The following GFPT2 variants were observed in gnomAD, a reference collection of about 807,000 sequenced individuals.
The protein encoded by GFPT2 is glutamine--fructose-6-phosphate transaminase 2.
A neutral mutation model predicts 85.6 loss-of-function variants in GFPT2; 62 were observed. The ratio of observed to expected loss-of-function variants is 0.72; its 90% CI spans 0.59 to 0.90. The LOEUF is 0.90. GFPT2 is among the 40% of genes least tolerant of loss of function. The pLI is 0.00. For missense variants in GFPT2, 788 were observed against 893.4 expected, an observed-to-expected ratio of 0.88 and a Z score of 1.50; for synonymous variants, 368 against 344.5, an observed-to-expected ratio of 1.07 and a Z score of -0.75.
At position 180,318,136 on chromosome 5, in the gene GFPT2, C is replaced by T. The variant is rs1286638874; in HGVS notation, c.958+657G>A. 6.6e-6 allele frequency among the ~76,000 whole-genome samples: 1 copy of T among 152,102 alleles called. No individual in the cohort carries two copies. The highest frequency in any genetic ancestry group is 1.5e-5 in the Non-Finnish European group (1 of 68,024). The stretch of plus-strand genomic sequence containing the variant: ...GGAGCTGGAGGCAATGAAAAGGAAC[C>T]AGTCCTATGAGAAGAACAGCGAATG... On this transcript the variant is annotated intron_variant, in intron 10 of 18. Transcript: ENST00000253778. The surrounding 1 kb of genome is among the most constrained non-coding windows in gnomAD (Gnocchi z 4.2).
chr5:180,313,942 C>T lies in GFPT2; in HGVS notation c.1296G>A (p.Leu432=). The T allele has an allele frequency of 6.2e-7, 1 of 1,602,098 alleles. No homozygotes were observed. The highest frequency in any genetic ancestry group is 8.5e-7 in the Non-Finnish European group (1 of 1,178,886). The part of the protein sequence containing the change: ...SQSGETADTL[L]ALRYCKDRGA... ...CGCGGTCCTTACAGTAGCGCAGCGCCAGGAGGGTGTCCGCGGTCTCGCCTG... is the reference window on the plus strand; with the variant it reads ...CGCGGTCCTTACAGTAGCGCAGCGCTAGGAGGGTGTCCGCGGTCTCGCCTG... Residue 432 remains leucine (L), a synonymous_variant, in exon 14 of 19, where the codon CTG becomes CTA. Transcript: ENST00000253778.
At chr5:180,327,131 G>A (rs532990910) in intron 7 of GFPT2, among the ~76,000 whole-genome samples, 5 of 152,230 alleles carry the variant, frequency 3.3e-5, no homozygotes, top group African/African-American at 7.2e-5. Flanking sequence ...CACCCTCTCC[G>A]GCCGTCTCCC....
rs1171817626 is a variant in GFPT2, at chr5:180,318,063, G to A, written c.958+730C>T. On this transcript the variant is annotated intron_variant, in intron 10 of 18. Coordinates refer to ENST00000253778, the MANE Select transcript of GFPT2 (RefSeq NM_005110.4). The surrounding 1 kb of genome is among the most constrained non-coding windows in gnomAD (Gnocchi z 4.2). ...GGGGAGGGGCTGGGGAGGGACCATG[G>A]CAGACACAGGAGCAGAGAAGGAGTC... 6.6e-6 allele frequency among the ~76,000 whole-genome samples: 1 copy of A among 152,166 alleles called. No individual in the cohort carries two copies. The highest frequency in any genetic ancestry group is 6.5e-5 in the Admixed American group (1 of 15,282).
chr5:180,314,139 AG>A (rs1301463732), intron 13 of GFPT2, among the ~76,000 whole-genome samples, 175 bp from the exon 14 acceptor site: 3 of 152,102 alleles, frequency 2.0e-5, no homozygotes, highest in Non-Finnish European at 4.4e-5. Flanking sequence ...CTTACATTCA[AG>A]GTGTGTTACT....
At chr5:180,313,398 C>T (rs34704166) in intron 14 of GFPT2, among the ~76,000 whole-genome samples, 108,926 of 146,998 alleles carry the variant, frequency 0.74, 40,843 homozygotes, top group East Asian at 0.92. Flanking sequence ...GAGACCATCC[C>T]GGCTAACACG....
chr5:180,345,903 T>C (rs529736295), intron 1 of GFPT2, among the ~76,000 whole-genome samples: 1 of 152,092 alleles, frequency 6.6e-6, no homozygotes, highest in Non-Finnish European at 1.5e-5. Context: ...ACCCTTACAA[T>C]GGGAGCACGG....
At chr5:180,302,328 C>T (rs1035412) in intron 18 of GFPT2, 95 bp downstream of exon 18, 507,658 of 845,034 alleles carry the variant, frequency 0.6, 154,807 homozygotes, top group East Asian at 0.83. Context: ...AAATTATTTA[C>T]TCTATGACTA....
At chr5:180,337,536 A>G (rs745459643) in intron 2 of GFPT2, among the ~76,000 whole-genome samples, 3 of 152,120 alleles carry the variant, frequency 2.0e-5, no homozygotes, top group Non-Finnish European at 4.4e-5. Context: ...ACAAAATTGC[A>G]TAATTATAAT....
chr5:180,336,480 G>C lies in GFPT2; in HGVS notation c.213C>G (p.Tyr71Ter). Residue 71 changes from tyrosine (Y) to a stop codon, truncating the protein, a stop_gained and splice_region_variant, in exon 3 of 19, where the codon TAC becomes TAG. Transcript: ENST00000253778. LOFTEE classifies it high-confidence loss of function. ...CCCACTCAGAGGTCCTCCACTTACT[G>C]TAAAGTTCTTCATCGAGAGCCTTGA... is the stretch of plus-strand genomic sequence containing the variant. ...GKVKALDEEL[Y>*]KQDSMDLKVE... 1 of 1,567,834 alleles carries C rather than the reference G, an allele frequency of 6.4e-7. No individual in the cohort carries two copies. The highest frequency in any genetic ancestry group is 1.1e-5 in the South Asian group (1 of 90,154).
intron 15 of GFPT2, among the ~76,000 whole-genome samples, chr5:180,310,560 G>A (rs113450720): frequency 1.3e-3 from 203 of 151,258 alleles, no homozygotes; most frequent in African/African-American, 4.8e-3. Context: ...ACAGGCACCT[G>A]CCACCACATC....
chr5:180,338,321 T>C (rs1376158474), intron 2 of GFPT2, among the ~76,000 whole-genome samples, 172 bp downstream of exon 2: 1 of 152,154 alleles, frequency 6.6e-6, no homozygotes, highest in Admixed American at 6.5e-5. Flanking sequence ...CTTCTATTTT[T>C]CCATAGTTTT....
intron 14 of GFPT2, among the ~76,000 whole-genome samples, chr5:180,313,484 G>A (rs1341478305): frequency 6.6e-6 from 1 of 151,004 alleles, no homozygotes; most frequent in African/African-American, 2.4e-5. Flanking sequence ...CAGCTACTCG[G>A]GAGGCTGAGG....
rs1263919459 is a variant in GFPT2, at chr5:180,330,864, G to A, written c.400-30C>T. 6.2e-7 allele frequency: 1 copy of A among 1,609,996 alleles called. No individual in the cohort carries two copies. Among genetic ancestry groups the A allele is most frequent in the Non-Finnish European group, 8.5e-7 (1 of 1,176,922 alleles). ...AATATGCAGTCGGCACAGTGTGAGA[G>A]ATTGGTCATTGCACAATGCCTGCCT... is the stretch of plus-strand genomic sequence containing the variant. On this transcript the variant is annotated intron_variant, in intron 5 of 18. Transcript: ENST00000253778. The surrounding 1 kb of genome is among the most constrained non-coding windows in gnomAD (Gnocchi z 4.4).
intron 17 of GFPT2, among the ~76,000 whole-genome samples, chr5:180,302,879 G>A (rs569960109): frequency 1.2e-4 from 18 of 152,214 alleles, no homozygotes; most frequent in South Asian, 4.1e-4. Context: ...TAACTCTAGC[G>A]GGGCTCATAG....
rs956406459 is a variant in GFPT2 at position 180,323,068 on chromosome 5, C to T, written c.794+1120G>A. On this transcript the variant is annotated intron_variant, in intron 9 of 18. Transcript: ENST00000253778. This position sits in a 1 kb window ranked among gnomAD's most constrained non-coding sequence, Gnocchi z 4.0. Reference sequence around the variant, plus strand: ...TAAAAATAAAAAAAGAAACATCTATCATATTTCATTGAATATAAGTTACTA... The same window carrying T: ...TAAAAATAAAAAAAGAAACATCTATTATATTTCATTGAATATAAGTTACTA... Among the ~76,000 whole-genome samples the T allele has an allele frequency of 6.6e-6, 1 of 152,030 alleles. No individual in the cohort carries two copies. Among genetic ancestry groups the T allele is most frequent in the South Asian group, 2.1e-4 (1 of 4,818 alleles).
intron 17 of GFPT2, among the ~76,000 whole-genome samples, chr5:180,303,419 G>A (rs146295841): frequency 9.8e-5 from 15 of 152,288 alleles, no homozygotes; most frequent in Admixed American, 3.3e-4. Flanking sequence ...CAGCAGGAGC[G>A]GCCAGCGCAA....
intron 4 of GFPT2, among the ~76,000 whole-genome samples, chr5:180,331,807 T>C (rs1764306107): frequency 6.6e-6 from 1 of 152,188 alleles, no homozygotes; most frequent in Non-Finnish European, 1.5e-5. Context: ...CCTCTTTCAG[T>C]GACCAGCAGC....
At position 180,318,377 on chromosome 5, in the gene GFPT2, G is replaced by A. The variant is rs1273775400; in HGVS notation, c.958+416C>T. On this transcript the variant is annotated intron_variant, in intron 10 of 18. Transcript: ENST00000253778. The surrounding 1 kb of genome is among the most constrained non-coding windows in gnomAD (Gnocchi z 4.2). ...GCTCAGGCTGCCCTGTGGGGTAGAG[G>A]TTGTAAGGGGACAGAAATGGGTGCA... is the stretch of plus-strand genomic sequence containing the variant. 2.0e-5 allele frequency among the ~76,000 whole-genome samples: 3 copies of A among 152,280 alleles called. No homozygotes were observed. The highest frequency in any genetic ancestry group is 3.4e-3 in the Middle Eastern group (1 of 294).
Position 180,302,564 on chromosome 5 carries a change from G to A in GFPT2, c.1863C>T (p.Cys621=), listed in dbSNP as rs368071602. The A allele has an allele frequency of 3.3e-4, 537 of 1,613,716 alleles. No individual in the cohort carries two copies. Among genetic ancestry groups the A allele is most frequent in the Non-Finnish European group, 4.4e-4 (516 of 1,179,772 alleles). Reference sequence around the variant, plus strand: ...TGGAACTTTCAGTATCGTCCTTGGAGCACAGTATAATGGGGCGACCCTAGA... The same window carrying A: ...TGGAACTTTCAGTATCGTCCTTGGAACACAGTATAATGGGGCGACCCTAGA... The part of the protein sequence containing the change: ...TARQGRPIIL[C]SKDDTESSKF... Residue 621 remains cysteine (C), a synonymous_variant, in exon 18 of 19, where the codon TGC becomes TGT. Coordinates refer to ENST00000253778, the MANE Select transcript of GFPT2 (RefSeq NM_005110.4).
Sources: gnomAD v4.1 joint callset for allele counts (sites outside exome capture counted in the v4.1 genomes callset) on GRCh38, gnomAD v4.1.1 for gene constraint, Gnocchi (gnomAD v3.1) non-coding constraint, MANE v1.5 for transcripts, NCBI Gene and HGNC (gene_info 2026-07-23, HGNC 2026-07-21) for gene names.